Variants in KRT4 observed in about 807,000 individuals in gnomAD.
KRT4 encodes the protein keratin 4.
Under a neutral mutation model 50.6 loss-of-function variants are expected in KRT4, and 47 were observed. The observed-to-expected ratio is 0.93, with a 90% CI of 0.73 to 1.18. KRT4 has a LOEUF of 1.18. Among genes scored for constraint, KRT4 ranks in the 50% most tolerant of loss-of-function variants. The probability of loss-of-function intolerance (pLI) is 0.00; values close to 1 mark genes in which losing one functional copy is unlikely to be tolerated. For missense variants in KRT4, 651 were observed against 645.7 expected (o/e 1.01, Z -0.09); for synonymous variants, 254 against 251.2 (o/e 1.01, Z -0.10).
rs575599007 is a variant in KRT4, at chr12:52,807,570, C to T, written c.1346+74G>A. On this transcript the variant is annotated intron_variant, in intron 7 of 8. Coordinates refer to ENST00000551956, the MANE Select transcript of KRT4 (RefSeq NM_002272.4). ...CGGCACAACACTGATGCTTGCAGCC[C>T]GGCAGAGGCATAAATAAGCTCATGG... 4.5e-6 allele frequency: 7 copies of T among 1,552,492 alleles called. No individual in the cohort carries two copies. In the Admixed American group the frequency reaches 5.0e-5, roughly 11 times the overall value.
intron 5 of KRT4, 66 bp from the exon 6 acceptor site, chr12:52,808,485 G>T: frequency 6.2e-7 from 1 of 1,603,162 alleles, no homozygotes; most frequent in Non-Finnish European, 8.5e-7. Context: ...ATTCTCAAGT[G>T]AACTCAGTGA....
At chr12:52,809,347 C>T (rs1939866147) in intron 4 of KRT4, 36 bp downstream of exon 4, 1 of 1,479,526 alleles carries the variant, frequency 6.8e-7, no homozygotes, top group Admixed American at 1.7e-5. Flanking sequence ...TGGGGGATTC[C>T]CTTTCCCTGG....
Position 52,807,649 on chromosome 12 carries a change from C to T in KRT4, c.1341G>A (p.Glu447=). Residue 447 remains glutamate (E), a synonymous_variant, in exon 7 of 9, where the codon GAG becomes GAA. Transcript: ENST00000551956. ...ATYRKLLEGE[E]YRMSGECQSA... ...CACCCTGCCTAACCCCTCACCTGTA[C>T]TCCTCGCCCTCCAGCAGTTTGCGGT... 1 of 1,613,798 alleles carries T rather than the reference C, an allele frequency of 6.2e-7. No homozygotes were observed. Among genetic ancestry groups the T allele is most frequent in the South Asian group, 1.1e-5 (1 of 91,052 alleles).
intron 3 of KRT4, among the ~76,000 whole-genome samples, chr12:52,809,682 T>C (rs79087918): frequency 1.8e-3 from 270 of 152,314 alleles, no homozygotes; most frequent in African/African-American, 6.3e-3. Flanking sequence ...AATAGGCTAT[T>C]CTAACAGTAT....
chr12:52,808,428 CAAG>C lies in KRT4; in HGVS notation c.1000-12_1000-10del. 1 of 1,613,442 alleles carries C rather than the reference CAAG, an allele frequency of 6.2e-7. No homozygotes were observed. On this transcript the variant is annotated splice_polypyrimidine_tract_variant and intron_variant, in intron 5 of 8. Transcript: ENST00000551956. ...ATCTGGAGCTGCTGGACCTAAGACTCAAGAAGACACAGAGAACCAGGTGTTAGG... is the reference window on the plus strand; with the variant it reads ...ATCTGGAGCTGCTGGACCTAAGACTCAAGACACAGAGAACCAGGTGTTAGG...
chr12:52,808,945 T>A, intron 4 of KRT4, 95 bp from the exon 5 acceptor site: 1 of 1,333,062 alleles, frequency 7.5e-7, no homozygotes, highest in Non-Finnish European at 1.1e-6. Flanking sequence ...TCACAATGTG[T>A]AGGAAGGGGA....
intron 1 of KRT4, 32 bp from the exon 2 acceptor site, chr12:52,812,009 A>G: frequency 6.4e-7 from 1 of 1,568,766 alleles, no homozygotes; most frequent in Non-Finnish European, 8.7e-7. Context: ...CCAAGTGATG[A>G]GGGCCTGAAG....
intron 3 of KRT4, 138 bp from the exon 4 acceptor site, chr12:52,809,616 A>G (rs965482768): frequency 1.3e-5 from 9 of 714,540 alleles, no homozygotes; most frequent in East Asian, 8.0e-5. Flanking sequence ...TGGGAGACCA[A>G]TTATTTTATA....
chr12:52,809,484 G>A lies in KRT4; in HGVS notation c.739-6C>T, dbSNP rs773347385. The A allele has an allele frequency of 6.3e-7, 1 of 1,599,466 alleles. No individual in the cohort carries two copies. Among genetic ancestry groups the A allele is most frequent in the Non-Finnish European group, 8.6e-7 (1 of 1,166,554 alleles). Reference sequence around the variant, plus strand: ...AGGTAGGCAGCATCCACGTCCTGCAGAGGAGTAAGGAGGATAAGAGATGAG... The same window carrying A: ...AGGTAGGCAGCATCCACGTCCTGCAAAGGAGTAAGGAGGATAAGAGATGAG... On this transcript the variant is annotated splice_region_variant and splice_polypyrimidine_tract_variant and intron_variant, in intron 3 of 8. Coordinates refer to ENST00000551956, the MANE Select transcript of KRT4 (RefSeq NM_002272.4).
Position 52,811,979 on chromosome 12 carries a change from T to A in KRT4, c.463-2A>T. ...ATTCTGTTGCTCTAAGAACTGCACCTGTGTTGATAAAGGCACCAGCCAAGT... is the reference window on the plus strand; with the variant it reads ...ATTCTGTTGCTCTAAGAACTGCACCAGTGTTGATAAAGGCACCAGCCAAGT... On this transcript the variant is annotated splice_acceptor_variant, in intron 1 of 8. Transcript: ENST00000551956. LOFTEE classifies it high-confidence loss of function. The A allele has an allele frequency of 6.2e-7, 1 of 1,611,596 alleles. No homozygotes were observed. Among genetic ancestry groups the A allele is most frequent in the Non-Finnish European group, 8.5e-7 (1 of 1,178,664 alleles).
chr12:52,807,295 C>A (rs1939815990), intron 8 of KRT4, 45 bp from the exon 9 acceptor site: 1 of 1,613,802 alleles, frequency 6.2e-7, no homozygotes, highest in Non-Finnish European at 8.5e-7. Context: ...ATGCTGCCAG[C>A]ACCCCAGGGG....
At chr12:52,810,245 G>A (rs577412950) in intron 3 of KRT4, among the ~76,000 whole-genome samples, 5 of 152,274 alleles carry the variant, frequency 3.3e-5, no homozygotes, top group African/African-American at 1.2e-4. Flanking sequence ...TGTACCCCAT[G>A]AATTTATAAA....
chr12:52,809,187 C>T, intron 4 of KRT4, 196 bp downstream of exon 4: 1 of 666,244 alleles, frequency 1.5e-6, no homozygotes, highest in South Asian at 1.7e-5. Flanking sequence ...CCGTCTAAGA[C>T]CAAGACCACA....
intron 6 of KRT4, 39 bp from the exon 7 acceptor site, chr12:52,807,903 C>G (rs1423779079): frequency 1.3e-6 from 2 of 1,580,614 alleles, no homozygotes; most frequent in African/African-American, 2.7e-5. Context: ...CAGCAGTGCC[C>G]TGCCTTCAAG....
rs1308305821 is a variant in KRT4 at position 52,808,830 on chromosome 12, G to T, written c.855C>A (p.Thr285=). Residue 285 remains threonine (T), a synonymous_variant, in exon 5 of 9, where the codon ACC becomes ACA. Coordinates refer to ENST00000551956, the MANE Select transcript of KRT4 (RefSeq NM_002272.4). The part of the protein sequence containing the change: ...LYDAELSQMQ[T]HVSDTSVVLS... ...GGACCACGGACGTGTCGCTGACATG[G>T]GTCTGCATCTGGGACAGCTCCTGCA... The T allele has an allele frequency of 6.2e-7, 1 of 1,614,162 alleles. No individual in the cohort carries two copies. The highest frequency in any genetic ancestry group is 2.2e-5 in the East Asian group (1 of 44,882).
intron 1 of KRT4, 141 bp from the exon 2 acceptor site, chr12:52,812,118 C>T (rs573109687): frequency 3.0e-4 from 213 of 709,414 alleles, no homozygotes; most frequent in Non-Finnish European, 7.1e-5. Flanking sequence ...GTTGCATCTC[C>T]AGGGCACCAT....
Position 52,813,654 on chromosome 12 carries a change from C to G in KRT4, c.405G>C (p.Thr135=). Reference sequence around the variant, plus strand: ...GGAGCTTGATCTGTTCGCGCTCTTCCGTCCGGACTTTCTGGATCTCAGGGT... The same window carrying G: ...GGAGCTTGATCTGTTCGCGCTCTTCGGTCCGGACTTTCTGGATCTCAGGGT... ...EIDPEIQKVR[T]EEREQIKLLN... is the part of the protein sequence containing the mutation. Residue 135 remains threonine, a synonymous_variant, in exon 1 of 9, where the codon ACG becomes ACC. Coordinates refer to ENST00000551956, the MANE Select transcript of KRT4 (RefSeq NM_002272.4). 1 of 1,614,140 alleles carries G rather than the reference C, an allele frequency of 6.2e-7. No individual in the cohort carries two copies.
chr12:52,811,359 T>C (rs1453033903), intron 2 of KRT4: 1 of 271,398 alleles, frequency 3.7e-6, no homozygotes, highest in African/African-American at 2.2e-5. Context: ...ATTATCCCCA[T>C]TTCAAAGATG....
chr12:52,811,910 G>A lies in KRT4; in HGVS notation c.530C>T (p.Thr177Ile), dbSNP rs1380681188. Reference sequence around the variant, plus strand: ...CTCAAGGTTTTTGCTGGAGGTGGTGGTCGTCTGCTGCTGGAGCAGGTTCCA... The same window carrying A: ...CTCAAGGTTTTTGCTGGAGGTGGTGATCGTCTGCTGCTGGAGCAGGTTCCA... ...TKWNLLQQQT[T>I]TTSSKNLEPL... Residue 177 changes from threonine to isoleucine, a missense_variant, in exon 2 of 9, where the codon ACC becomes ATC. Thr to Ile is a moderately conservative substitution (Grantham distance 89). Transcript: ENST00000551956. 2.5e-6 allele frequency: 4 copies of A among 1,614,058 alleles called. No homozygotes were observed. Among genetic ancestry groups the A allele is most frequent in the Non-Finnish European group, 8.5e-7 (1 of 1,180,030 alleles).
Sources: allele counts gnomAD v4.1 joint callset (sites outside exome capture counted in the v4.1 genomes callset), GRCh38; gene constraint gnomAD v4.1.1; transcripts MANE v1.5; gene names NCBI Gene and HGNC (gene_info 2026-07-23, HGNC 2026-07-21).